Variants in NAALADL2 observed in about 807,000 individuals in gnomAD.
The protein encoded by NAALADL2 is inactive N-acetylated-alpha-linked acidic dipeptidase-like protein 2.
NAALADL2 carries 76 observed loss-of-function variants against 87.2 expected under a neutral mutation model. That is an observed-to-expected ratio of 0.87 (90% confidence interval 0.72 to 1.05). The LOEUF is 1.05. Among genes scored for constraint, NAALADL2 ranks in the 50% least tolerant of loss-of-function variants. The probability of loss-of-function intolerance (pLI) is 0.00; values close to 1 mark genes in which losing one functional copy is unlikely to be tolerated. For missense variants in NAALADL2, 1,089 were observed against 945.8 expected, an observed-to-expected ratio of 1.15 and a Z score of -1.99; for synonymous variants, 354 against 331.0, an observed-to-expected ratio of 1.07 and a Z score of -0.75.
At chr3:175,709,597 C>A (rs527963954) in intron 11 of NAALADL2, among the ~76,000 whole-genome samples, 1 of 152,046 alleles carries the variant, frequency 6.6e-6, no homozygotes, top group Non-Finnish European at 1.5e-5. Flanking sequence ...AAGCGTATTA[C>A]GCTGGAAATA....
At chr3:175,650,822 C>G (rs112782829) in intron 11 of NAALADL2, among the ~76,000 whole-genome samples, 1,881 of 152,200 alleles carry the variant, frequency 0.012, 35 homozygotes, top group African/African-American at 0.041. Context: ...GTCAAATATA[C>G]TAGGAAAGGA....
intron 13 of NAALADL2, among the ~76,000 whole-genome samples, chr3:175,797,841 C>A (rs1753690541): frequency 6.6e-6 from 1 of 151,938 alleles, no homozygotes; most frequent in African/African-American, 2.4e-5. Context: ...GAAGCATTTG[C>A]ATATTAAAAT....
intron 1 of NAALADL2, among the ~76,000 whole-genome samples, chr3:174,925,413 C>A (rs140476516): frequency 0.098 from 14,858 of 152,162 alleles, 809 homozygotes; most frequent in Middle Eastern, 0.13. Context: ...GGGCTCTGTT[C>A]TGTTCTACTG....
intron 1 of NAALADL2, among the ~76,000 whole-genome samples, chr3:175,070,020 G>A (rs1580287396): frequency 1.4e-5 from 2 of 146,418 alleles, no homozygotes; most frequent in South Asian, 2.3e-4. Context: ...TGTGGGGTAG[G>A]GGGAGGGGGG....
At chr3:174,720,960 C>G (rs927108001) in intron 2 of NAALADL2, among the ~76,000 whole-genome samples, 1 of 152,122 alleles carries the variant, frequency 6.6e-6, no homozygotes, top group Non-Finnish European at 1.5e-5. Context: ...TTTTACATGA[C>G]TAATTTCAAT....
intron 2 of NAALADL2, among the ~76,000 whole-genome samples, chr3:174,684,848 A>G (rs1290842182): frequency 6.6e-6 from 1 of 152,114 alleles, no homozygotes; most frequent in East Asian, 1.9e-4. Flanking sequence ...ATATTTAACA[A>G]CAGGACACTT....
At chr3:175,566,780 T>C (rs1194944276) in intron 9 of NAALADL2, among the ~76,000 whole-genome samples, 1 of 152,142 alleles carries the variant, frequency 6.6e-6, no homozygotes, top group African/African-American at 2.4e-5. Flanking sequence ...ATATCTTTCT[T>C]CTTTATATAT....
intron 12 of NAALADL2, among the ~76,000 whole-genome samples, chr3:175,749,170 G>A (rs1324872433): frequency 1.9e-5 from 2 of 104,960 alleles, no homozygotes; most frequent in African/African-American, 4.0e-5. Context: ...GGGAAGGGAG[G>A]GGAGGAGAAG....
chr3:175,750,413 T>G (rs919111277), intron 12 of NAALADL2, among the ~76,000 whole-genome samples: 2 of 152,156 alleles, frequency 1.3e-5, no homozygotes, highest in Non-Finnish European at 2.9e-5. Flanking sequence ...TCTCCCTGCC[T>G]CCACCCCTCC....
intron 1 of NAALADL2, among the ~76,000 whole-genome samples, chr3:174,452,501 A>G (rs1715553609): frequency 6.6e-6 from 1 of 152,078 alleles, no homozygotes; most frequent in Admixed American, 6.5e-5. Flanking sequence ...AAAATGCTTT[A>G]TCTGGCACCA....
intron 2 of NAALADL2, among the ~76,000 whole-genome samples, chr3:175,099,774 A>G (rs148598251): frequency 6.6e-6 from 1 of 152,274 alleles, no homozygotes; most frequent in East Asian, 1.9e-4. Flanking sequence ...GTGCAATACA[A>G]AATATATTAT....
intron 5 of NAALADL2, among the ~76,000 whole-genome samples, chr3:175,412,806 T>A (rs1009228552): frequency 1.3e-5 from 2 of 151,160 alleles, no homozygotes; most frequent in African/African-American, 4.8e-5. Context: ...TCTGAAATTA[T>A]CCATCTGATT....
At chr3:174,711,688 T>G (rs933222401) in intron 2 of NAALADL2, among the ~76,000 whole-genome samples, 1 of 152,188 alleles carries the variant, frequency 6.6e-6, no homozygotes, top group Non-Finnish European at 1.5e-5. Context: ...GACTATGTGT[T>G]TGTTTGTTGG....
intron 1 of NAALADL2, among the ~76,000 whole-genome samples, chr3:174,530,170 A>G (rs906955077): frequency 2.0e-5 from 3 of 152,140 alleles, no homozygotes; most frequent in South Asian, 4.1e-4. Context: ...AATTTCTTCT[A>G]CCAGATACTC....
At chr3:174,505,157 G>A (rs1719123932) in intron 1 of NAALADL2, among the ~76,000 whole-genome samples, 2 of 152,110 alleles carry the variant, frequency 1.3e-5, no homozygotes, top group South Asian at 4.1e-4. Context: ...CTAATATTAT[G>A]AAATGAGGGG....
At chr3:175,600,315 C>T (rs1227934689) in intron 10 of NAALADL2, among the ~76,000 whole-genome samples, 1 of 151,662 alleles carries the variant, frequency 6.6e-6, no homozygotes, top group Non-Finnish European at 1.5e-5. Context: ...TCTTAAGTTT[C>T]TGAAGAATCA....
intron 13 of NAALADL2, among the ~76,000 whole-genome samples, chr3:175,763,904 G>A (rs1324416514): frequency 6.6e-6 from 1 of 152,034 alleles, no homozygotes; most frequent in Non-Finnish European, 1.5e-5. Flanking sequence ...CAAAAGGATA[G>A]GAAATTTGGT....
chr3:174,765,200 A>G (rs934019825), intron 3 of NAALADL2, among the ~76,000 whole-genome samples: 2 of 151,744 alleles, frequency 1.3e-5, no homozygotes, highest in Admixed American at 1.3e-4. Flanking sequence ...GTGGTTGGTT[A>G]TTATAAAAGT....
At chr3:175,056,878 C>T (rs1712311561) in intron 1 of NAALADL2, among the ~76,000 whole-genome samples, 1 of 152,194 alleles carries the variant, frequency 6.6e-6, no homozygotes, top group Non-Finnish European at 1.5e-5. Context: ...CCAGGTGTTC[C>T]TTGCCCTCAT....
Sources: gnomAD v4.1 joint callset for allele counts (sites outside exome capture counted in the v4.1 genomes callset) on GRCh38, gnomAD v4.1.1 for gene constraint, MANE v1.5 for transcripts, NCBI Gene and HGNC (gene_info 2026-07-23, HGNC 2026-07-21) for gene names.